COL23A1: variants seen among roughly 807,000 people sequenced by gnomAD.
COL23A1 encodes collagen type XXIII alpha 1 chain, also known as collagen alpha-1(XXIII) chain.
In COL23A1, 97 loss-of-function variants were observed where a neutral mutation model predicts 99.3. The ratio of observed to expected loss-of-function variants is 0.98; its 90% CI spans 0.83 to 1.16. The LOEUF is 1.16. COL23A1 is among the 50% of genes most tolerant of loss of function. The pLI, the probability that COL23A1 is intolerant of heterozygous loss-of-function variation, is 0.00. For synonymous variants in COL23A1, 320 were observed against 308.2 expected, an observed-to-expected ratio of 1.04 and a Z score of -0.40; for missense variants, 762 against 757.4, an observed-to-expected ratio of 1.01 and a Z score of -0.07.
In COL23A1 at chr5:178,242,150, G is replaced by A. The variant is rs759322678; in HGVS notation, c.1495-22C>T. ...CTCCCTGTGCAGGAGGGGAGATGGTGGTATTGGTCATGGCTGCCAGGCTTA... is the reference window on the plus strand; with the variant it reads ...CTCCCTGTGCAGGAGGGGAGATGGTAGTATTGGTCATGGCTGCCAGGCTTA... On this transcript the variant is annotated intron_variant, in intron 26 of 28. Coordinates refer to ENST00000390654, the MANE Select transcript of COL23A1 (RefSeq NM_173465.4). 24 of 1,543,640 alleles carry A rather than the reference G, an allele frequency of 1.6e-5. 1 individual carries two copies. The South Asian group carries it at 2.7e-4, about 18-fold the overall frequency.
intron 2 of COL23A1, among the ~76,000 whole-genome samples, chr5:178,556,730 A>G (rs933772752): frequency 1.3e-5 from 2 of 151,900 alleles, no homozygotes; most frequent in African/African-American, 4.8e-5. Context: ...AGGCAGGTGG[A>G]TCACTTGAGG....
intron 2 of COL23A1, among the ~76,000 whole-genome samples, chr5:178,367,611 G>A (rs1413316425): frequency 1.3e-5 from 2 of 152,204 alleles, no homozygotes; most frequent in Admixed American, 1.3e-4. Context: ...GGGAGGCTGG[G>A]GGCGGGGTCA....
intron 2 of COL23A1, chr5:178,443,032 G>C (rs1166242950): frequency 6.6e-6 from 1 of 152,216 alleles, no homozygotes; most frequent in African/African-American, 2.4e-5. Context: ...AGCAGCTTGT[G>C]CATCTGTGTG....
At chr5:178,382,999 C>A (rs567347222) in intron 2 of COL23A1, among the ~76,000 whole-genome samples, 1 of 152,082 alleles carries the variant, frequency 6.6e-6, no homozygotes, top group East Asian at 1.9e-4. Flanking sequence ...CTCCACCTGT[C>A]GGGGCTGGCT....
intron 2 of COL23A1, among the ~76,000 whole-genome samples, chr5:178,556,824 G>C (rs1168200031): frequency 2.0e-5 from 3 of 151,262 alleles, no homozygotes; most frequent in Non-Finnish European, 2.9e-5. Flanking sequence ...ATGGTGATGG[G>C]AGCCTGTAAT....
intron 2 of COL23A1, among the ~76,000 whole-genome samples, chr5:178,423,194 A>C (rs1765728443): frequency 6.6e-6 from 1 of 152,090 alleles, no homozygotes; most frequent in Admixed American, 6.5e-5. Context: ...TATGTTGCCC[A>C]GGCTGGACTT....
intron 25 of COL23A1, among the ~76,000 whole-genome samples, chr5:178,243,914 C>G (rs535515462): frequency 6.6e-6 from 1 of 152,342 alleles, no homozygotes; most frequent in Admixed American, 6.5e-5. Context: ...ATTGATGGAA[C>G]CCAGCACCCC....
At chr5:178,456,232 T>C (rs770120428) in intron 2 of COL23A1, among the ~76,000 whole-genome samples, 2 of 152,256 alleles carry the variant, frequency 1.3e-5, no homozygotes, top group African/African-American at 4.8e-5. Context: ...AAGTCTTCTA[T>C]ACTTCCCTAG....
In COL23A1 at chr5:178,249,131, A is replaced by C; in HGVS notation, c.1135T>G (p.Leu379Val). ...CAGCCACATACCGGGAGGCCGGACA[A>C]GCCCATCTCGCCTGCTTCCCCTTTG... The part of the protein sequence containing the change: ...GLKGEAGEMG[L>V]SGLPGADGLK... The change falls in exon 19 of 29, where the codon TTG becomes GTG. Residue 379 changes from leucine to valine, a missense_variant. Transcript: ENST00000390654. The C allele has an allele frequency of 6.2e-7, 1 of 1,614,172 alleles. No homozygotes were observed. Among genetic ancestry groups the C allele is most frequent in the Middle Eastern group, 1.7e-4 (1 of 6,056 alleles).
At chr5:178,243,650 C>G (rs1014222621) in intron 25 of COL23A1, among the ~76,000 whole-genome samples, 1 of 152,132 alleles carries the variant, frequency 6.6e-6, no homozygotes, top group Non-Finnish European at 1.5e-5. Flanking sequence ...AAGGGCTGTT[C>G]TATCACAGGT....
chr5:178,452,886 T>C (rs1162518972), intron 2 of COL23A1, among the ~76,000 whole-genome samples: 1 of 152,210 alleles, frequency 6.6e-6, no homozygotes, highest in Non-Finnish European at 1.5e-5. Flanking sequence ...AACTGCTAAT[T>C]GACCCACGAT....
chr5:178,554,362 A>T (rs2113503547), intron 2 of COL23A1, among the ~76,000 whole-genome samples: 1 of 152,106 alleles, frequency 6.6e-6, no homozygotes, highest in Non-Finnish European at 1.5e-5. Flanking sequence ...CATTTTTAGT[A>T]GAGACGGGGT....
chr5:178,433,968 G>A (rs1342966726), intron 2 of COL23A1, among the ~76,000 whole-genome samples: 1 of 152,210 alleles, frequency 6.6e-6, no homozygotes, highest in Admixed American at 6.5e-5. Context: ...GACACAGGGA[G>A]AGGCAGCTAC....
Position 178,560,740 on chromosome 5 carries a change from G to C in COL23A1, c.303C>G (p.Asp101Glu). The C allele has an allele frequency of 6.2e-7, 1 of 1,610,300 alleles. No homozygotes were observed. The highest frequency in any genetic ancestry group is 8.5e-7 in the Non-Finnish European group (1 of 1,178,904). ...HLERLLREKL[D>E]GLAKIRTARE... ...GAGCAGTCCGGATCTTCGCTAGTCC[G>C]TCCAACTTCTGAGCCGGAAAAAAAA... The change falls in exon 2 of 29, where the codon GAC (aspartate) becomes GAG (glutamate). Residue 101 changes from aspartate (D) to glutamate (E), a missense_variant. By Grantham distance (45) the Asp-to-Glu change is conservative (BLOSUM62 2). Coordinates refer to ENST00000390654, the MANE Select transcript of COL23A1 (RefSeq NM_173465.4).
chr5:178,421,114 G>A (rs1266502065), intron 2 of COL23A1, among the ~76,000 whole-genome samples: 1 of 152,122 alleles, frequency 6.6e-6, no homozygotes, highest in Non-Finnish European at 1.5e-5. Context: ...TGGGGAAAAA[G>A]GTTCTGGAAC....
chr5:178,349,843 G>A (rs1038717748), intron 2 of COL23A1, among the ~76,000 whole-genome samples: 18 of 145,068 alleles, frequency 1.2e-4, no homozygotes, highest in African/African-American at 4.5e-4. Flanking sequence ...AGAGGAGGCC[G>A]CCCCCTGCAG....
At chr5:178,385,362 C>T (rs1213961230) in intron 2 of COL23A1, among the ~76,000 whole-genome samples, 1 of 152,192 alleles carries the variant, frequency 6.6e-6, no homozygotes, top group Admixed American at 6.5e-5. Flanking sequence ...ACACCACCCC[C>T]ACAGGCCCAC....
rs192032233 is a variant in COL23A1 at position 178,543,883 on chromosome 5, G to A, written c.361+16799C>T. ...CTCACAGTTCTGGAGGCTGTAAGGCGCCTGCAGATTCAGCGTCTGGTGAGG... is the reference window on the plus strand; with the variant it reads ...CTCACAGTTCTGGAGGCTGTAAGGCACCTGCAGATTCAGCGTCTGGTGAGG... On this transcript the variant is annotated intron_variant, in intron 2 of 28. Coordinates refer to ENST00000390654, the MANE Select transcript of COL23A1 (RefSeq NM_173465.4). Among the ~76,000 whole-genome samples, 242 of 152,236 alleles carry A rather than the reference G, an allele frequency of 1.6e-3. 1 individual carries two copies. The highest frequency in any genetic ancestry group is 3.4e-3 in the Middle Eastern group (1 of 294).
chr5:178,556,854 G>A (rs1053226602), intron 2 of COL23A1, among the ~76,000 whole-genome samples: 1 of 151,900 alleles, frequency 6.6e-6, no homozygotes, highest in Non-Finnish European at 1.5e-5. Flanking sequence ...TCGGGAGGCT[G>A]AGGCAGGAGA....
Sources: gnomAD v4.1 joint callset for allele counts (sites outside exome capture counted in the v4.1 genomes callset) on GRCh38, gnomAD v4.1.1 for gene constraint, MANE v1.5 for transcripts, NCBI Gene and HGNC (gene_info 2026-07-23, HGNC 2026-07-21) for gene names.